Variants in RNF213 observed in about 807,000 individuals in gnomAD.
The protein encoded by RNF213 is ring finger protein 213, also known as E3 ubiquitin-protein ligase RNF213.
In RNF213, 341 loss-of-function variants were observed where a neutral mutation model predicts 514.4. The observed-to-expected ratio is 0.66, with a 90% confidence interval of 0.61 to 0.73. The LOEUF is 0.73. Among genes scored for constraint, RNF213 ranks in the 30% least tolerant of loss-of-function variants. RNF213 has a pLI of 0.00. For missense variants in RNF213, 5,767 were observed against 6,615.6 expected (o/e 0.87, Z 4.45); for synonymous variants, 2,655 against 2,658.2 (o/e 1.00, Z 0.04).
chr17:80,315,757 ACAGTGGTGATGCTGGTGG>A (rs2045905296), intron 15 of RNF213: 1 of 17,620 alleles, frequency 5.7e-5, no homozygotes, highest in Non-Finnish European at 1.3e-4. Context: ...GGTGGAGGTG[ACAGTGGTGATGCTGGTGG>A]TGGTGGTGGT....
intron 18 of RNF213, among the ~76,000 whole-genome samples, chr17:80,326,542 C>T (rs1482384621): frequency 2.6e-5 from 4 of 152,180 alleles, no homozygotes; most frequent in Non-Finnish European, 4.4e-5. Context: ...TGGCCTGTGT[C>T]CACCATTCCA....
intron 38 of RNF213, among the ~76,000 whole-genome samples, chr17:80,361,486 C>T (rs567482276): frequency 3.3e-5 from 5 of 152,034 alleles, no homozygotes; most frequent in African/African-American, 4.8e-5. Context: ...CGCTACCCAC[C>T]GCACTCCAGC....
In RNF213 at chr17:80,374,317, G is replaced by A. The variant is rs865850301; in HGVS notation, c.12943-141G>A. 3.0e-5 allele frequency: 32 copies of A among 1,077,086 alleles called. No homozygotes were observed. In the African/African-American group the frequency reaches 4.5e-4, roughly 15 times the overall value. The allele number at this position is 1,077,086 out of a possible 1,614,324, so 66.7% of individuals were successfully genotyped here. A position where few individuals can be genotyped will look rare whatever the true frequency, so the allele number is the denominator to read the frequency against. On this transcript the variant is annotated intron_variant, in intron 49 of 67. Coordinates refer to ENST00000582970, the MANE Select transcript of RNF213 (RefSeq NM_001256071.3). ...TGCGAAGAGGGCACCAGACTGTCCT[G>A]CCTCAGGCCAGGTCAGGGAATCCCA... is the stretch of plus-strand genomic sequence containing the variant.
At chr17:80,274,592 G>C in intron 3 of RNF213, among the ~76,000 whole-genome samples, 1 of 31,290 alleles carries the variant, frequency 3.2e-5, no homozygotes, top group Non-Finnish European at 7.3e-5. Flanking sequence ...GTCTGTGGGG[G>C]GTGAGTGGGG....
intron 6 of RNF213, 87 bp from the exon 7 acceptor site, chr17:80,290,483 G>A (rs11651635): frequency 6.4e-5 from 95 of 1,495,786 alleles, no homozygotes; most frequent in East Asian, 2.5e-4. Context: ...GTGTGTGTGC[G>A]CACGTGTGTG....
intron 23 of RNF213, among the ~76,000 whole-genome samples, chr17:80,337,229 C>G (rs2078012023): frequency 6.6e-6 from 1 of 152,258 alleles, no homozygotes; most frequent in African/African-American, 2.4e-5. Flanking sequence ...AGAGGGTTCT[C>G]TGCATTGGGG....
intron 29 of RNF213, among the ~76,000 whole-genome samples, chr17:80,348,973 G>A (rs2078407355): frequency 1.3e-5 from 2 of 152,226 alleles, no homozygotes; most frequent in Non-Finnish European, 2.9e-5. Context: ...GGAGTCTGAT[G>A]AAAGGCTGTT....
rs547543714 is a variant in RNF213, at chr17:80,361,488, C to T, written c.11201-246C>T. ...TGAGCAGAGATCACGCTACCCACCG[C>T]ACTCCAGCCTGGGCAACAGAGTAAG... is the stretch of plus-strand genomic sequence containing the variant. On this transcript the variant is annotated intron_variant, in intron 38 of 67. Transcript: ENST00000582970. 2.0e-5 allele frequency among the ~76,000 whole-genome samples: 3 copies of T among 152,262 alleles called. No homozygotes were observed. The South Asian group carries it at 6.2e-4, about 32-fold the overall frequency.
intron 2 of RNF213, among the ~76,000 whole-genome samples, chr17:80,265,182 G>T (rs2043572213): frequency 6.6e-6 from 1 of 151,964 alleles, no homozygotes; most frequent in South Asian, 2.1e-4. Flanking sequence ...AAGTAGCTGG[G>T]ACTACTGGTA....
chr17:80,383,749 G>A lies in RNF213; in HGVS notation c.14143G>A (p.Ala4715Thr). The change falls in exon 59 of 68, where the codon GCC becomes ACC. Residue 4715 changes from alanine (A) to threonine (T), a missense_variant. This residue lies in a region of RNF213 where 1,245 missense variants were observed against 1,339.0 expected (regional missense o/e 0.93). Transcript: ENST00000582970. ...TAAGCGTATCAGCTCTAACCCTGTG[G>A]CCAAAATAATATATGGTGACCCAGT... The part of the protein sequence containing the change: ...QDKRISSNPV[A>T]KIIYGDPVTF... The A allele has an allele frequency of 6.2e-7, 1 of 1,613,992 alleles. No individual in the cohort carries two copies. The highest frequency in any genetic ancestry group is 1.1e-5 in the South Asian group (1 of 91,062).
intron 10 of RNF213, among the ~76,000 whole-genome samples, chr17:80,296,594 G>A (rs1321462136): frequency 2.0e-5 from 3 of 152,198 alleles, no homozygotes; most frequent in Admixed American, 6.5e-5. Flanking sequence ...CTCTCTCTGC[G>A]TGTGTTGATT....
chr17:80,303,809 A>G (rs536761262), intron 11 of RNF213, among the ~76,000 whole-genome samples: 1 of 151,532 alleles, frequency 6.6e-6, no homozygotes, highest in South Asian at 2.1e-4. Flanking sequence ...GCCTCAAGTG[A>G]TCTGCCCGCC....
At chr17:80,336,734 GA>G (rs1220408826) in intron 23 of RNF213, 2 of 350,736 alleles carry the variant, frequency 5.7e-6, no homozygotes, top group African/African-American at 4.3e-5. Context: ...TTTTTTATCA[GA>G]AAAAAGTAAA....
chr17:80,319,671 G>A (rs769304311), intron 17 of RNF213: 70 of 1,454,064 alleles, frequency 4.8e-5, no homozygotes, highest in Admixed American at 3.6e-4. Context: ...GTAGGTGTGC[G>A]GGAAGAGACT....
At chr17:80,316,876 G>A (rs563365641) in intron 15 of RNF213, among the ~76,000 whole-genome samples, 2 of 152,344 alleles carry the variant, frequency 1.3e-5, no homozygotes, top group East Asian at 1.9e-4. Context: ...CTATTCTTGC[G>A]ACCTTTTTGA....
At chr17:80,388,441 C>T (rs71389753) in intron 63 of RNF213, 171 bp from the exon 64 acceptor site, 16,025 of 658,210 alleles carry the variant, frequency 0.024, 338 homozygotes, top group African/African-American at 0.079. Context: ...GGTTGTGTTA[C>T]TATTTCCATA....
rs773614989 is a variant in RNF213 at position 80,317,171 on chromosome 17, G to C, written c.2812-17G>C. 1.9e-6 allele frequency: 3 copies of C among 1,609,526 alleles called. No homozygotes were observed. Among genetic ancestry groups the C allele is most frequent in the East Asian group, 4.5e-5 (2 of 44,784 alleles). On this transcript the variant is annotated splice_polypyrimidine_tract_variant and intron_variant, in intron 15 of 67. Transcript: ENST00000582970. This position sits in a 1 kb window ranked among gnomAD's most constrained non-coding sequence, Gnocchi z 4.1. ...TTAGTCGTGAGAGTGGGTGTGACCTGTGTGCGGGTTTTGCAGGTCTGGAGG... is the reference window on the plus strand; with the variant it reads ...TTAGTCGTGAGAGTGGGTGTGACCTCTGTGCGGGTTTTGCAGGTCTGGAGG...
chr17:80,381,826 AGCTCTGTCTGT>A, intron 57 of RNF213, 99 bp downstream of exon 57: 4 of 1,123,502 alleles, frequency 3.6e-6, no homozygotes, highest in Non-Finnish European at 5.2e-6. Context: ...AGCCAGTCTG[AGCTCTGTCTGT>A]GCTGTTGCTG....
chr17:80,368,985 TG>T lies in RNF213; in HGVS notation c.12156-516del, dbSNP rs1196650673. On this transcript the variant is annotated intron_variant, in intron 44 of 67. Coordinates refer to ENST00000582970, the MANE Select transcript of RNF213 (RefSeq NM_001256071.3). ...CATACTTTGGGATATTGAAGGGTATTGTTGCCGGGTCCAAATGATCAAAGTG... is the reference window on the plus strand; with the variant it reads ...CATACTTTGGGATATTGAAGGGTATTTTGCCGGGTCCAAATGATCAAAGTG... Among the ~76,000 whole-genome samples, 8 of 152,336 alleles carry T rather than the reference TG, an allele frequency of 5.3e-5. No individual in the cohort carries two copies. The East Asian group carries it at 1.5e-3, about 29-fold the overall frequency.
Sources: gnomAD v4.1 joint callset for allele counts (sites outside exome capture counted in the v4.1 genomes callset) on GRCh38, gnomAD v4.1.1 for gene constraint, gnomAD v4.1.1 regional missense constraint, Gnocchi (gnomAD v3.1) non-coding constraint, MANE v1.5 for transcripts, NCBI Gene and HGNC (gene_info 2026-07-23, HGNC 2026-07-21) for gene names.